GRIP1: variants seen among roughly 807,000 people sequenced by gnomAD.
GRIP1 encodes glutamate receptor-interacting protein 1.
GRIP1 carries 45 observed loss-of-function variants against 129.9 expected under a neutral mutation model. The observed-to-expected ratio is 0.35, with a 90% confidence interval of 0.27 to 0.44. The LOEUF (loss-of-function observed/expected upper bound fraction) is 0.44, where lower values mean the gene tolerates loss of function less well. Ranked by LOEUF, GRIP1 falls within the 20% of genes least tolerant of loss-of-function variation. The pLI, the probability that GRIP1 is intolerant of heterozygous loss-of-function variation, is 1.00. For synonymous variants in GRIP1, 530 were observed against 520.8 expected (o/e 1.02, Z -0.24); for missense variants, 1,196 against 1,396.8 (o/e 0.86, Z 2.29).
chr12:66,710,096 T>C (rs2035665750), intron 1 of GRIP1, among the ~76,000 whole-genome samples: 1 of 151,920 alleles, frequency 6.6e-6, no homozygotes, highest in Non-Finnish European at 1.5e-5. Flanking sequence ...TGCAGTGAAG[T>C]TCCTCTTTTT....
intron 7 of GRIP1, among the ~76,000 whole-genome samples, chr12:66,469,507 A>G (rs969387904): frequency 1.1e-4 from 16 of 152,152 alleles, no homozygotes; most frequent in African/African-American, 3.9e-4. Flanking sequence ...TTAAAGACTG[A>G]GTTTGGAGGG....
At chr12:66,536,086 T>G (rs898279785) in intron 4 of GRIP1, among the ~76,000 whole-genome samples, 6 of 152,210 alleles carry the variant, frequency 3.9e-5, no homozygotes, top group Non-Finnish European at 5.9e-5. Flanking sequence ...CCTCTTTTTC[T>G]GCACAACTCA....
At chr12:66,638,070 A>C (rs967440393) in intron 1 of GRIP1, among the ~76,000 whole-genome samples, 4 of 152,208 alleles carry the variant, frequency 2.6e-5, no homozygotes, top group African/African-American at 9.6e-5. Context: ...TATATGCCAC[A>C]GGCTTCTATA....
chr12:66,791,047 C>T (rs896579846), intron 1 of GRIP1, among the ~76,000 whole-genome samples: 1 of 152,128 alleles, frequency 6.6e-6, no homozygotes, highest in African/African-American at 2.4e-5. Context: ...GTCTTAAAGA[C>T]CACTAAATTT....
Position 66,596,872 on chromosome 12 carries a change from C to T in GRIP1, c.111G>A (p.Leu37=). Residue 37 remains leucine, a synonymous_variant, in exon 2 of 25, where the codon TTG becomes TTA. Coordinates refer to ENST00000359742, the MANE Select transcript of GRIP1 (RefSeq NM_001366722.1). ...ASQTKPPDGA[L]AVRRQSIPEE... The stretch of plus-strand genomic sequence containing the variant: ...CTGGGATGCTCTGTCTCCTCACAGC[C>T]AACGCTCCATCAGGCGGCTTTGTCT... The T allele has an allele frequency of 6.2e-7, 1 of 1,613,458 alleles. No homozygotes were observed. The highest frequency in any genetic ancestry group is 8.5e-7 in the Non-Finnish European group (1 of 1,179,364).
Position 67,030,088 on chromosome 12 carries a change from G to C in GRIP1, c.58+38962C>G, listed in dbSNP as rs1295774660. Among the ~76,000 whole-genome samples the C allele has an allele frequency of 1.4e-4, 21 of 150,496 alleles. No homozygotes were observed. In the East Asian group the frequency reaches 4.1e-3, roughly 29 times the overall value. On this transcript the variant is annotated intron_variant, in intron 1 of 1. Coordinates refer to the GRIP1 transcript ENST00000643019. ...TAGCCAGGTGTGGTGGCAGGCGCCTGTAGTCCCAGCTACTGGGGAGGCTGA... is the reference window on the plus strand; with the variant it reads ...TAGCCAGGTGTGGTGGCAGGCGCCTCTAGTCCCAGCTACTGGGGAGGCTGA...
chr12:66,891,799 A>T (rs2040663628), intron 1 of GRIP1: 1 of 152,230 alleles, frequency 6.6e-6, no homozygotes, highest in Non-Finnish European at 1.5e-5. Context: ...TGACTGAGGC[A>T]AATTCTTCCC....
intron 1 of GRIP1, among the ~76,000 whole-genome samples, chr12:66,656,182 T>C (rs1229312740): frequency 1.3e-5 from 2 of 152,170 alleles, no homozygotes; most frequent in South Asian, 2.1e-4. Context: ...CAACAAATGA[T>C]TGTCAAATGA....
intron 1 of GRIP1, among the ~76,000 whole-genome samples, chr12:66,779,022 G>A (rs1353314636): frequency 1.3e-5 from 2 of 152,146 alleles, no homozygotes; most frequent in Non-Finnish European, 2.9e-5. Context: ...AGCTTTGGGA[G>A]CACTTTTCCC....
chr12:66,675,941 A>G (rs2136255307), intron 1 of GRIP1, among the ~76,000 whole-genome samples: 1 of 152,304 alleles, frequency 6.6e-6, no homozygotes, highest in South Asian at 2.1e-4. Context: ...TGAAACATTA[A>G]TAAGAAAATG....
chr12:66,677,004 T>G (rs940741521), intron 1 of GRIP1, among the ~76,000 whole-genome samples: 2 of 152,174 alleles, frequency 1.3e-5, no homozygotes, highest in African/African-American at 4.8e-5. Context: ...GACAGCCAGT[T>G]AAACACAAAG....
chr12:66,480,029 T>C (rs1422449915), intron 7 of GRIP1, among the ~76,000 whole-genome samples: 6 of 152,258 alleles, frequency 3.9e-5, no homozygotes, highest in Non-Finnish European at 7.4e-5. Context: ...ATGCCCTCTC[T>C]CACCACTCCT....
intron 1 of GRIP1, among the ~76,000 whole-genome samples, chr12:66,831,001 T>G (rs973793746): frequency 2.0e-5 from 3 of 151,936 alleles, no homozygotes; most frequent in Non-Finnish European, 4.4e-5. Flanking sequence ...CATGTGCCAC[T>G]ACACTTGGGT....
intron 19 of GRIP1, among the ~76,000 whole-genome samples, chr12:66,381,943 A>C (rs1439349643): frequency 1.3e-5 from 2 of 152,250 alleles, no homozygotes; most frequent in Non-Finnish European, 2.9e-5. Context: ...GATTAAAGTA[A>C]GAAAAGTTGA....
intron 2 of GRIP1, among the ~76,000 whole-genome samples, chr12:66,548,084 A>G (rs1178316722): frequency 6.6e-6 from 1 of 152,190 alleles, no homozygotes; most frequent in African/African-American, 2.4e-5. Context: ...CCTCCAGTGG[A>G]TTCTAACATG....
At chr12:66,578,876 C>G (rs971448681) in intron 2 of GRIP1, among the ~76,000 whole-genome samples, 11 of 152,288 alleles carry the variant, frequency 7.2e-5, no homozygotes, top group East Asian at 3.9e-4. Flanking sequence ...AGACTTAAAT[C>G]TCCCTGTCTG....
rs117794123 is a variant in GRIP1 at position 66,890,766 on chromosome 12, T to A, written c.58+178284A>T. Among the ~76,000 whole-genome samples the A allele has an allele frequency of 6.4e-3, 973 of 152,270 alleles. 3 individuals carry two copies. The highest frequency in any genetic ancestry group is 0.012 in the Non-Finnish European group (822 of 68,012). On this transcript the variant is annotated intron_variant, in intron 1 of 1. Coordinates refer to the GRIP1 transcript ENST00000643019. The stretch of plus-strand genomic sequence containing the variant: ...CCATCTTTAGATCTGAAAAAGAAAT[T>A]ATCTGCCTAAAGAAGAATTTTAGCA...
intron 1 of GRIP1, among the ~76,000 whole-genome samples, chr12:66,886,436 T>A (rs1273094748): frequency 1.3e-5 from 2 of 152,218 alleles, no homozygotes; most frequent in Non-Finnish European, 2.9e-5. Flanking sequence ...AGATTTCAAT[T>A]TCTGCATATC....
chr12:66,456,175 A>G lies in GRIP1; in HGVS notation c.1198+12T>C, dbSNP rs1477627802. 1.0e-5 allele frequency: 13 copies of G among 1,281,426 alleles called. No individual in the cohort carries two copies. In the Middle Eastern group the frequency reaches 8.6e-4, roughly 84 times the overall value. 79.4% of individuals were successfully genotyped at this position (1,281,426 alleles called of 1,614,324 possible). ...AAATAAAAGACCAGGAGGAGAAAGC[A>G]TGGAACATTACGAGGGCTGTTTGGA... On this transcript the variant is annotated intron_variant, in intron 10 of 24. Transcript: ENST00000359742.
Sources: allele counts gnomAD v4.1 joint callset (sites outside exome capture counted in the v4.1 genomes callset), GRCh38; gene constraint gnomAD v4.1.1; transcripts MANE v1.5; gene names NCBI Gene and HGNC (gene_info 2026-07-23, HGNC 2026-07-21).